Variants in HTR7 observed in about 807,000 individuals in gnomAD.
The protein encoded by HTR7 is 5-HT-7.
In HTR7, 16 loss-of-function variants were observed where a neutral mutation model predicts 34.0. That is an observed-to-expected ratio of 0.47 (90% CI 0.32 to 0.71). The LOEUF is 0.71. Ranked by LOEUF, HTR7 falls within the 30% of genes least tolerant of loss-of-function variation. The pLI is 0.04. For synonymous variants in HTR7, 265 were observed against 260.2 expected (o/e 1.02, Z -0.18); for missense variants, 504 against 625.5 (o/e 0.81, Z 2.07).
chr10:90,838,321 C>T (rs1246293997), intron 1 of HTR7, among the ~76,000 whole-genome samples: 3 of 152,152 alleles, frequency 2.0e-5, no homozygotes, highest in South Asian at 2.1e-4. Context: ...TCTCCCTCAG[C>T]GCCTACATCC....
chr10:90,773,322 T>C (rs1845147926), intron 1 of HTR7, among the ~76,000 whole-genome samples: 1 of 152,178 alleles, frequency 6.6e-6, no homozygotes, highest in Non-Finnish European at 1.5e-5. Flanking sequence ...GTCATTCTTT[T>C]TTTTTATTAT....
chr10:90,828,600 G>T (rs1251294348), intron 1 of HTR7, among the ~76,000 whole-genome samples: 1 of 151,878 alleles, frequency 6.6e-6, no homozygotes, highest in Non-Finnish European at 1.5e-5. Context: ...TAGAAGAAAT[G>T]GATAAATTCT....
intron 1 of HTR7, among the ~76,000 whole-genome samples, chr10:90,759,791 T>C (rs1844904393): frequency 6.6e-6 from 1 of 151,452 alleles, no homozygotes; most frequent in Non-Finnish European, 1.5e-5. Flanking sequence ...AAAAATAATA[T>C]AAGCCACAAG....
chr10:90,843,181 C>A (rs1361858918), intron 1 of HTR7, among the ~76,000 whole-genome samples: 1 of 149,944 alleles, frequency 6.7e-6, no homozygotes, highest in Non-Finnish European at 1.5e-5. Flanking sequence ...TTCTTTTGTT[C>A]CTTCTTCCTT....
At chr10:90,794,580 A>G (rs1287112817) in intron 1 of HTR7, among the ~76,000 whole-genome samples, 1 of 152,154 alleles carries the variant, frequency 6.6e-6, no homozygotes, top group Non-Finnish European at 1.5e-5. Context: ...TACAGCCTCA[A>G]CCTTCTGGGC....
intron 1 of HTR7, among the ~76,000 whole-genome samples, chr10:90,856,330 C>T (rs1323567516): frequency 1.3e-5 from 2 of 152,194 alleles, no homozygotes; most frequent in Non-Finnish European, 2.9e-5. Flanking sequence ...CAAAGACTAG[C>T]TCCATTTCAA....
intron 1 of HTR7, among the ~76,000 whole-genome samples, chr10:90,813,135 G>A (rs1467943681): frequency 6.6e-6 from 1 of 151,592 alleles, no homozygotes; most frequent in Non-Finnish European, 1.5e-5. Context: ...TTATAAAACG[G>A]CCCCACCCCT....
At chr10:90,831,287 G>T (rs1295321094) in intron 1 of HTR7, among the ~76,000 whole-genome samples, 3 of 152,070 alleles carry the variant, frequency 2.0e-5, no homozygotes, top group Non-Finnish European at 4.4e-5. Flanking sequence ...TCTGATGTTC[G>T]GCTGTGTTCG....
At chr10:90,810,019 A>C (rs958215891) in intron 1 of HTR7, among the ~76,000 whole-genome samples, 11 of 152,042 alleles carry the variant, frequency 7.2e-5, no homozygotes, top group Non-Finnish European at 1.5e-4. Context: ...CCCACTCCAC[A>C]TTACCTCCTT....
intron 1 of HTR7, among the ~76,000 whole-genome samples, chr10:90,778,271 C>T (rs1390806162): frequency 1.3e-5 from 2 of 152,094 alleles, no homozygotes; most frequent in African/African-American, 4.8e-5. Flanking sequence ...GAGGGCTCTG[C>T]CCTGATGAAT....
Position 90,857,646 on chromosome 10 carries a change from C to A in HTR7, c.26G>T (p.Arg9Leu). ...GCGGAGGTGCCCGTAGAGGTCCGGG[C>A]GGCCGCTGCTGTTAACGTCCATCAT... MMDVNSSGRPDLYGHLRSF... is the reference protein window; with the variant it reads MMDVNSSGLPDLYGHLRSF... Residue 9 changes from arginine (R) to leucine (L), a missense_variant, in exon 1 of 4, where the codon CGC becomes CTC. This residue lies in a region of HTR7 where 139 missense variants were observed against 117.1 expected (regional missense o/e 1.19). Coordinates refer to ENST00000336152, the MANE Select transcript of HTR7 (RefSeq NM_019859.4). This position sits in a 1 kb window ranked among gnomAD's most constrained non-coding sequence, Gnocchi z 6.5. 6.3e-7 allele frequency: 1 copy of A among 1,590,740 alleles called. No individual in the cohort carries two copies.
chr10:90,822,779 G>A (rs964947849), intron 1 of HTR7, among the ~76,000 whole-genome samples: 15 of 152,194 alleles, frequency 9.9e-5, no homozygotes, highest in African/African-American at 3.4e-4. Context: ...CCAGGAACCT[G>A]CTGCTCTGTG....
chr10:90,832,146 G>A (rs955326990), intron 1 of HTR7, among the ~76,000 whole-genome samples: 1 of 152,236 alleles, frequency 6.6e-6, no homozygotes, highest in Non-Finnish European at 1.5e-5. Context: ...TGCAGGTGGA[G>A]CTGTCTGCAA....
intron 1 of HTR7, among the ~76,000 whole-genome samples, chr10:90,832,388 G>A (rs1288670331): frequency 6.6e-6 from 1 of 152,218 alleles, no homozygotes; most frequent in Non-Finnish European, 1.5e-5. Context: ...ACTGCTGGGG[G>A]ACCCGGCACA....
intron 3 of HTR7, among the ~76,000 whole-genome samples, chr10:90,743,101 T>TA (rs11432480): frequency 0.23 from 35,333 of 152,012 alleles, 4,379 homozygotes; most frequent in African/African-American, 0.32. Flanking sequence ...GGCCTCAACT[T>TA]ACCACACTAC....
In HTR7 at chr10:90,857,812, C is replaced by T; in HGVS notation, c.-141G>A. ...GCGCCGACCGCTGGGGGGCGCCTGGCTCTGTCTCGGAGCCCCGCACTCCCC... is the reference window on the plus strand; with the variant it reads ...GCGCCGACCGCTGGGGGGCGCCTGGTTCTGTCTCGGAGCCCCGCACTCCCC... On this transcript the variant is annotated 5_prime_UTR_variant, in exon 1 of 4. Transcript: ENST00000336152. The surrounding 1 kb of genome is among the most constrained non-coding windows in gnomAD (Gnocchi z 6.5). 2.5e-6 allele frequency: 2 copies of T among 815,022 alleles called. No individual in the cohort carries two copies. Among genetic ancestry groups the T allele is most frequent in the Non-Finnish European group, 3.3e-6 (2 of 601,498 alleles). The allele number at this position is 815,022 out of a possible 1,614,324, so 50.5% of individuals were successfully genotyped here.
At position 90,749,788 on chromosome 10, in the gene HTR7, T is replaced by C. The variant is rs1290507331; in HGVS notation, c.540-194A>G. ...TTTTATTCCGGGTCACACAGAGGCA[T>C]TGCCAGATTGTAGCCTGAGAGCCCT... On this transcript the variant is annotated intron_variant, in intron 1 of 3. Transcript: ENST00000336152. This position sits in a 1 kb window ranked among gnomAD's most constrained non-coding sequence, Gnocchi z 4.2. Among the ~76,000 whole-genome samples the C allele has an allele frequency of 6.6e-6, 1 of 152,226 alleles. No individual in the cohort carries two copies. Among genetic ancestry groups the C allele is most frequent in the Non-Finnish European group, 1.5e-5 (1 of 68,036 alleles).
chr10:90,842,250 T>C (rs1394968940), intron 1 of HTR7, among the ~76,000 whole-genome samples: 1 of 152,170 alleles, frequency 6.6e-6, no homozygotes, highest in Non-Finnish European at 1.5e-5. Context: ...CACATGACGA[T>C]GCAGCAACAA....
At chr10:90,760,463 T>C (rs997636121) in intron 1 of HTR7, among the ~76,000 whole-genome samples, 1 of 152,224 alleles carries the variant, frequency 6.6e-6, no homozygotes, top group African/African-American at 2.4e-5. Context: ...ACAATGCATA[T>C]ATAGATTCAA....
Sources: gnomAD v4.1 joint callset for allele counts (sites outside exome capture counted in the v4.1 genomes callset) on GRCh38, gnomAD v4.1.1 for gene constraint, gnomAD v4.1.1 regional missense constraint, Gnocchi (gnomAD v3.1) non-coding constraint, MANE v1.5 for transcripts, NCBI Gene and HGNC (gene_info 2026-07-23, HGNC 2026-07-21) for gene names.